SPTBN4: variants seen among roughly 807,000 people sequenced by gnomAD.
The protein encoded by SPTBN4 is spectrin beta chain, non-erythrocytic 4.
SPTBN4 carries 96 observed loss-of-function variants against 277.8 expected under a neutral mutation model. The observed-to-expected ratio is 0.35, with a 90% confidence interval of 0.29 to 0.41. The LOEUF (loss-of-function observed/expected upper bound fraction) is 0.41. Ranked by LOEUF, SPTBN4 falls within the 10% of genes least tolerant of loss-of-function variation. The pLI is 1.00. For synonymous variants in SPTBN4, 1,481 were observed against 1,580.3 expected (o/e 0.94, Z 1.49); for missense variants, 3,006 against 3,595.7 (o/e 0.84, Z 4.19).
chr19:40,478,473 T>C (rs2145808405), intron 2 of SPTBN4, among the ~76,000 whole-genome samples: 1 of 152,278 alleles, frequency 6.6e-6, no homozygotes, highest in East Asian at 1.9e-4. Context: ...AAGGCAGTGA[T>C]CTATGATGGC....
In SPTBN4 at chr19:40,575,606, C is replaced by T; in HGVS notation, c.*37C>T. The T allele has an allele frequency of 6.3e-7, 1 of 1,583,882 alleles. No homozygotes were observed. Among genetic ancestry groups the T allele is most frequent in the Non-Finnish European group, 8.6e-7 (1 of 1,164,944 alleles). On this transcript the variant is annotated 3_prime_UTR_variant, in exon 36 of 36. Coordinates refer to ENST00000598249, the MANE Select transcript of SPTBN4 (RefSeq NM_020971.3). ...CAGGACCTGACACATCTCGTCTCCC[C>T]TCTTTTCCGCACTGTGGGCACAAAG...
At chr19:40,471,855 C>G (rs1040835875) in intron 1 of SPTBN4, among the ~76,000 whole-genome samples, 1 of 151,952 alleles carries the variant, frequency 6.6e-6, no homozygotes, top group Non-Finnish European at 1.5e-5. Flanking sequence ...CCTCACACCT[C>G]AGCCTCCTGA....
chr19:40,572,415 C>G, intron 35 of SPTBN4, 35 bp downstream of exon 35: 2 of 1,613,576 alleles, frequency 1.2e-6, no homozygotes, highest in Non-Finnish European at 1.7e-6. Context: ...CTGTGTGGAC[C>G]TCAGTAATGA....
At chr19:40,467,701 A>C (rs1015081570) in intron 1 of SPTBN4, among the ~76,000 whole-genome samples, 4 of 142,124 alleles carry the variant, frequency 2.8e-5, no homozygotes, top group Non-Finnish European at 6.1e-5. Flanking sequence ...CTTCCTTCCC[A>C]TTCAATCGCG....
rs1211488646 is a variant in SPTBN4 at position 40,523,311 on chromosome 19, G to C, written c.3655-126G>C. The C allele has an allele frequency of 4.5e-6, 4 of 895,764 alleles. No individual in the cohort carries two copies. The East Asian group carries it at 1.1e-4, about 24-fold the overall frequency. The allele number at this position is 895,764 out of a possible 1,614,324, so 55.5% of individuals were successfully genotyped here. A position where few individuals can be genotyped will look rare whatever the true frequency, so the allele number is the denominator to read the frequency against. On this transcript the variant is annotated intron_variant, in intron 16 of 35. Coordinates refer to ENST00000598249, the MANE Select transcript of SPTBN4 (RefSeq NM_020971.3). The stretch of plus-strand genomic sequence containing the variant: ...CAGCATGGGCAACAGCCCCGAGGTG[G>C]GACCACAACTGGAATGTTCTATGCT...
At chr19:40,494,785 C>G (rs2080177393) in intron 5 of SPTBN4, 112 bp from the exon 6 acceptor site, 4 of 883,570 alleles carry the variant, frequency 4.5e-6, no homozygotes, top group Non-Finnish European at 7.1e-6. Context: ...TATGTTCTAC[C>G]CCCTCTCTCT....
rs1331336597 is a variant in SPTBN4 at position 40,560,406 on chromosome 19, GC to G, written c.5915+7del. ...ATTGGGGCAGCCGACAAGCCCAGGTGCCCCTCATCCCTCCTCGGGCTTCCTG... is the reference window on the plus strand; with the variant it reads ...ATTGGGGCAGCCGACAAGCCCAGGTGCCCTCATCCCTCCTCGGGCTTCCTG... On this transcript the variant is annotated splice_donor_region_variant and intron_variant, in intron 27 of 35. Coordinates refer to ENST00000598249, the MANE Select transcript of SPTBN4 (RefSeq NM_020971.3). This position sits in a 1 kb window ranked among gnomAD's most constrained non-coding sequence, Gnocchi z 5.2. 6.2e-7 allele frequency: 1 copy of G among 1,614,004 alleles called. No homozygotes were observed. Among genetic ancestry groups the G allele is most frequent in the Admixed American group, 1.7e-5 (1 of 60,032 alleles).
At chr19:40,570,383 A>G in intron 32 of SPTBN4, 53 bp from the exon 33 acceptor site, 2 of 1,207,880 alleles carry the variant, frequency 1.7e-6, no homozygotes, top group Non-Finnish European at 2.2e-6. Context: ...CAAACAGATG[A>G]CCCCCACACC....
Position 40,513,295 on chromosome 19 carries a change from C to T in SPTBN4, c.2506C>T (p.Leu836=), listed in dbSNP as rs1394326340. The change falls in exon 14 of 36, where the codon CTG becomes TTG. Residue 836 remains leucine (L), a synonymous_variant. Transcript: ENST00000598249. ...RGPVSGLRRQ[L]ATLGGASGAG... is the part of the protein sequence containing the mutation. Reference sequence around the variant, plus strand: ...GCCCGTGAGCGGCCTGCGGCGCCAGCTGGCGACACTCGGGGGTGCCAGTGG... The same window carrying T: ...GCCCGTGAGCGGCCTGCGGCGCCAGTTGGCGACACTCGGGGGTGCCAGTGG... 6.4e-7 allele frequency: 1 copy of T among 1,552,484 alleles called. No homozygotes were observed. Among genetic ancestry groups the T allele is most frequent in the African/African-American group, 1.4e-5 (1 of 73,730 alleles).
intron 20 of SPTBN4, among the ~76,000 whole-genome samples, chr19:40,539,860 A>G (rs1036683248): frequency 1.3e-5 from 2 of 152,120 alleles, no homozygotes; most frequent in South Asian, 2.1e-4. Flanking sequence ...GAAAAGACAT[A>G]ATGCATTAAG....
chr19:40,548,588 GC>G (rs1198862095), intron 20 of SPTBN4, among the ~76,000 whole-genome samples: 13 of 151,996 alleles, frequency 8.6e-5, no homozygotes, highest in Non-Finnish European at 1.9e-4. Flanking sequence ...GATGGCAGGT[GC>G]CTGTAATCCC....
At chr19:40,494,706 A>G (rs2080176180) in intron 5 of SPTBN4, among the ~76,000 whole-genome samples, 191 bp from the exon 6 acceptor site, 1 of 151,560 alleles carries the variant, frequency 6.6e-6, no homozygotes, top group South Asian at 2.1e-4. Flanking sequence ...TCACCTGTCT[A>G]TCATCTATCT....
In SPTBN4 at chr19:40,493,036, G is replaced by A; in HGVS notation, c.569G>A (p.Cys190Tyr). The change falls in exon 5 of 36, where the codon TGT becomes TAT. Residue 190 changes from cysteine to tyrosine, a missense_variant. Cys to Tyr is a radical substitution (Grantham distance 194). Coordinates refer to ENST00000598249, the MANE Select transcript of SPTBN4 (RefSeq NM_020971.3). ...RSAKDALLLW[C>Y]QMKTAGYPEV... The stretch of plus-strand genomic sequence containing the variant: ...GCCAAGGATGCTCTGCTCTTGTGGT[G>A]TCAGATGAAGACAGCTGGGTAAGCA... 6.2e-7 allele frequency: 1 copy of A among 1,614,104 alleles called. No individual in the cohort carries two copies. Among genetic ancestry groups the A allele is most frequent in the Non-Finnish European group, 8.5e-7 (1 of 1,180,000 alleles).
chr19:40,520,134 G>A lies in SPTBN4; in HGVS notation c.3637G>A (p.Val1213Met), dbSNP rs1437582367. Residue 1213 changes from valine to methionine, a missense_variant, in exon 16 of 36, where the codon GTG (valine) becomes ATG (methionine). By Grantham distance (21) the Val-to-Met change is conservative (BLOSUM62 1). Around this residue, in one of 5 missense-constraint regions of SPTBN4, gnomAD observed 1,759 missense variants for 2,061.5 expected, o/e 0.85. Coordinates refer to ENST00000598249, the MANE Select transcript of SPTBN4 (RefSeq NM_020971.3). The part of the protein sequence containing the change: ...LFLRDLRQAL[V>M]VLRNQEMALS... ...CCTGCGGGATCTACGCCAGGCGCTCGTGGTGCTGCGTAACCAGGTGCCCAC... is the reference window on the plus strand; with the variant it reads ...CCTGCGGGATCTACGCCAGGCGCTCATGGTGCTGCGTAACCAGGTGCCCAC... 1.4e-6 allele frequency: 2 copies of A among 1,444,338 alleles called. No homozygotes were observed. The highest frequency in any genetic ancestry group is 9.1e-7 in the Non-Finnish European group (1 of 1,099,460). The allele number at this position is 1,444,338 out of a possible 1,614,324, so 89.5% of individuals were successfully genotyped here.
intron 32 of SPTBN4, among the ~76,000 whole-genome samples, chr19:40,569,965 CACACACACAG>C (rs1342437963): frequency 1.1e-3 from 158 of 147,056 alleles, no homozygotes; most frequent in Middle Eastern, 3.5e-3. Context: ...CACACACACA[CACACACACAG>C]ACACACACAC....
intron 7 of SPTBN4, among the ~76,000 whole-genome samples, chr19:40,500,583 G>A (rs146479357): frequency 2.6e-5 from 4 of 152,352 alleles, no homozygotes; most frequent in African/African-American, 9.6e-5. Flanking sequence ...ACTATGGGAA[G>A]CTGAGGCAGG....
intron 19 of SPTBN4, among the ~76,000 whole-genome samples, chr19:40,533,505 A>G (rs2145899872): frequency 6.6e-6 from 1 of 152,176 alleles, no homozygotes; most frequent in South Asian, 2.1e-4. Context: ...GTAGCCCTGG[A>G]TATACACACT....
At chr19:40,529,292 A>G (rs1438038368) in intron 18 of SPTBN4, among the ~76,000 whole-genome samples, 161 bp downstream of exon 18, 1 of 152,138 alleles carries the variant, frequency 6.6e-6, no homozygotes, top group Non-Finnish European at 1.5e-5. Context: ...CTCAGTGCGC[A>G]TGCTCCGCAA....
rs2080960932 is a variant in SPTBN4, at chr19:40,554,953, C to CT, written c.5084+310dup. 3.2e-6 allele frequency: 1 copy of CT among 316,496 alleles called. No homozygotes were observed. The highest frequency in any genetic ancestry group is 6.0e-6 in the Non-Finnish European group (1 of 166,886). 19.6% of individuals were successfully genotyped at this position (316,496 alleles called of 1,614,324 possible). On this transcript the variant is annotated intron_variant, in intron 24 of 35. Transcript: ENST00000598249. This position sits in a 1 kb window ranked among gnomAD's most constrained non-coding sequence, Gnocchi z 5.7. ...ATTTACTCAGGACAGGCAAGGGGCT[C>CT]TTTCTACTCAGTGTCTGGGAGGACA... is the stretch of plus-strand genomic sequence containing the variant.
Sources: gnomAD v4.1 joint callset for allele counts (sites outside exome capture counted in the v4.1 genomes callset) on GRCh38, gnomAD v4.1.1 for gene constraint, gnomAD v4.1.1 regional missense constraint, Gnocchi (gnomAD v3.1) non-coding constraint, MANE v1.5 for transcripts, NCBI Gene and HGNC (gene_info 2026-07-23, HGNC 2026-07-21) for gene names.